The following C1orf52 variants were observed in gnomAD, a reference collection of about 807,000 sequenced individuals.
The protein encoded by C1orf52 is chromosome 1 open reading frame 52, also known as UPF0690 protein C1orf52.
A neutral mutation model predicts 17.2 loss-of-function variants in C1orf52; 5 were observed. The observed-to-expected ratio is 0.29, with a 90% CI of 0.15 to 0.61. C1orf52 has a LOEUF of 0.61. Ranked by LOEUF, C1orf52 falls within the 20% of genes least tolerant of loss-of-function variation. The pLI is 0.85. For missense variants in C1orf52, 245 were observed against 234.1 expected, an observed-to-expected ratio of 1.05 and a Z score of -0.30; for synonymous variants, 110 against 88.0, an observed-to-expected ratio of 1.25 and a Z score of -1.40.
In C1orf52 at chr1:85,252,526, C is replaced by T. The variant is rs757506049; in HGVS notation, c.*103G>A. 2.1e-4 allele frequency: 186 copies of T among 866,526 alleles called. No homozygotes were observed. The highest frequency in any genetic ancestry group is 3.3e-4 in the Non-Finnish European group (174 of 530,250). 53.7% of individuals were successfully genotyped at this position (866,526 alleles called of 1,614,324 possible). ...ATACTTATTAGTTCATTAACGTATG[C>T]ATTTTCATGGAGATGTGGCATAATA... On this transcript the variant is annotated 3_prime_UTR_variant, in exon 3 of 3. Coordinates refer to ENST00000471115, the MANE Select transcript of C1orf52 (RefSeq NM_198077.4).
chr1:85,252,827 T>C, intron 2 of C1orf52, 125 bp from the exon 3 acceptor site: 1 of 652,250 alleles, frequency 1.5e-6, no homozygotes, highest in Non-Finnish European at 2.6e-6. Context: ...TCTCAGAGTT[T>C]CCCAATAAAA....
At chr1:85,256,001 C>G (rs1403318350) in intron 2 of C1orf52, among the ~76,000 whole-genome samples, 1 of 152,122 alleles carries the variant, frequency 6.6e-6, no homozygotes, top group East Asian at 1.9e-4. Flanking sequence ...GCTTGCTTGC[C>G]CTGGTGTATA....
chr1:85,255,651 C>T (rs971253371), intron 2 of C1orf52, among the ~76,000 whole-genome samples: 4 of 151,766 alleles, frequency 2.6e-5, no homozygotes, highest in Non-Finnish European at 4.4e-5. Context: ...AGACGTTAAC[C>T]GGCAATAAAA....
chr1:85,259,325 G>C, intron 1 of C1orf52, 33 bp downstream of exon 1: 1 of 1,599,476 alleles, frequency 6.3e-7, no homozygotes, highest in Non-Finnish European at 8.6e-7. Context: ...GCAGGCCGGG[G>C]CCGAGACCGA....
At position 85,252,448 on chromosome 1, in the gene C1orf52, A is replaced by G. The variant is rs1439508960; in HGVS notation, c.*181T>C. On this transcript the variant is annotated 3_prime_UTR_variant, in exon 3 of 3. Coordinates refer to ENST00000471115, the MANE Select transcript of C1orf52 (RefSeq NM_198077.4). ...ACAAGTCACCAGTTGAGTTTTAAAT[A>G]CATACATGTTTTAAATAAAAAAAGA... 2 of 546,434 alleles carry G rather than the reference A, an allele frequency of 3.7e-6. No homozygotes were observed. The highest frequency in any genetic ancestry group is 6.4e-6 in the Non-Finnish European group (2 of 312,490). The allele number at this position is 546,434 out of a possible 1,614,324, so 33.8% of individuals were successfully genotyped here.
At chr1:85,252,886 G>C (rs896935302) in intron 2 of C1orf52, among the ~76,000 whole-genome samples, 184 bp from the exon 3 acceptor site, 1 of 152,032 alleles carries the variant, frequency 6.6e-6, no homozygotes, top group African/African-American at 2.4e-5. Flanking sequence ...AAGTGAAAGT[G>C]AGCAATTTTT....
At position 85,259,622 on chromosome 1, in the gene C1orf52, C is replaced by T. The variant is rs531556361; in HGVS notation, c.12G>A (p.Glu4=). The T allele has an allele frequency of 7.7e-6, 12 of 1,559,488 alleles. No individual in the cohort carries two copies. In the South Asian group the frequency reaches 1.4e-4, roughly 18 times the overall value. The change falls in exon 1 of 3, where the codon GAG becomes GAA. Residue 4 remains glutamate (E), a synonymous_variant. Coordinates refer to ENST00000471115, the MANE Select transcript of C1orf52 (RefSeq NM_198077.4). ...CAAAATAGCTCAGAGGGTCCTTCTCCTCCGCTGCCATGACGGCTGCGAGCG... is the reference window on the plus strand; with the variant it reads ...CAAAATAGCTCAGAGGGTCCTTCTCTTCCGCTGCCATGACGGCTGCGAGCG... MAA[E]EKDPLSYFAA...
chr1:85,259,183 A>T (rs1403946171), intron 1 of C1orf52, 175 bp downstream of exon 1: 18 of 1,104,340 alleles, frequency 1.6e-5, no homozygotes, highest in Non-Finnish European at 2.2e-5. Flanking sequence ...TCTAACACCC[A>T]CCAGGCGGGG....
chr1:85,258,982 C>CA, intron 1 of C1orf52: 1 of 1,368,262 alleles, frequency 7.3e-7, no homozygotes, highest in Non-Finnish European at 9.4e-7. Flanking sequence ...CTGACCCCTT[C>CA]AGGAGGCTGC....
At position 85,250,600 on chromosome 1, in the gene C1orf52, T is replaced by C. The variant is rs1659777867; in HGVS notation, c.*2029A>G. 1 of 152,224 alleles carries C rather than the reference T, an allele frequency of 6.6e-6. No homozygotes were observed. The highest frequency in any genetic ancestry group is 2.4e-5 in the African/African-American group (1 of 41,464). 9.4% of individuals were successfully genotyped at this position (152,224 alleles called of 1,614,324 possible). ...GCTCCAAAATATTTAGCCTCTTCCC[T>C]AAGTCCTGTCTTCCTCCTCATACAA... is the stretch of plus-strand genomic sequence containing the variant. On this transcript the variant is annotated 3_prime_UTR_variant, in exon 3 of 3. Transcript: ENST00000471115.
chr1:85,253,212 C>T lies in C1orf52; in HGVS notation c.476-510G>A, dbSNP rs141811828. Among the ~76,000 whole-genome samples the T allele has an allele frequency of 3.0e-3, 458 of 152,304 alleles. 2 individuals carry two copies. The highest frequency in any genetic ancestry group is 0.011 in the African/African-American group (440 of 41,562). ...ACTGTATTCTCTCCCTTGGACACCACTGCATGATAGTATTTACATTGTATA... is the reference window on the plus strand; with the variant it reads ...ACTGTATTCTCTCCCTTGGACACCATTGCATGATAGTATTTACATTGTATA... On this transcript the variant is annotated intron_variant, in intron 2 of 2. Transcript: ENST00000471115.
intron 1 of C1orf52, chr1:85,259,095 T>C: frequency 7.4e-7 from 1 of 1,348,944 alleles, no homozygotes; most frequent in Non-Finnish European, 9.6e-7. Context: ...TCACCACTGT[T>C]AGTCCTCGCC....
Position 85,257,469 on chromosome 1 carries a change from G to A in C1orf52, c.475+1055C>T, listed in dbSNP as rs1193499830. Reference sequence around the variant, plus strand: ...CAGTTCTGGATTTCAAGATCTTCAAGTGCTAGAAAGGGGCCATTAAAAATG... The same window carrying A: ...CAGTTCTGGATTTCAAGATCTTCAAATGCTAGAAAGGGGCCATTAAAAATG... On this transcript the variant is annotated intron_variant, in intron 2 of 2. Coordinates refer to ENST00000471115, the MANE Select transcript of C1orf52 (RefSeq NM_198077.4). The A allele has an allele frequency of 9.8e-6, 7 of 717,230 alleles. No homozygotes were observed. The Admixed American group carries it at 1.2e-4, about 12-fold the overall frequency. The allele number at this position is 717,230 out of a possible 1,614,324, so 44.4% of individuals were successfully genotyped here.
chr1:85,258,511 T>C lies in C1orf52; in HGVS notation c.475+13A>G, dbSNP rs927344748. 6.2e-7 allele frequency: 1 copy of C among 1,606,546 alleles called. No homozygotes were observed. Among genetic ancestry groups the C allele is most frequent in the South Asian group, 1.1e-5 (1 of 90,104 alleles). On this transcript the variant is annotated intron_variant, in intron 2 of 2. Transcript: ENST00000471115. ...ATCAAAATAGACCACCATCGGATTC[T>C]GACTTTCCTTACCTGATTCCAACGT...
intron 2 of C1orf52, among the ~76,000 whole-genome samples, chr1:85,257,674 T>G (rs1220943037): frequency 2.0e-5 from 3 of 152,228 alleles, no homozygotes. Context: ...ACAGTCCAAG[T>G]AAGAGACGAA....
chr1:85,251,445 TTTA>T lies in C1orf52; in HGVS notation c.*1181_*1183del, dbSNP rs1659798744. 1 of 152,200 alleles carries T rather than the reference TTTA, an allele frequency of 6.6e-6. No homozygotes were observed. Among genetic ancestry groups the T allele is most frequent in the Non-Finnish European group, 1.5e-5 (1 of 68,042 alleles). The allele number at this position is 152,200 out of a possible 1,614,324, so 9.4% of individuals were successfully genotyped here. On this transcript the variant is annotated 3_prime_UTR_variant, in exon 3 of 3. Coordinates refer to ENST00000471115, the MANE Select transcript of C1orf52 (RefSeq NM_198077.4). The stretch of plus-strand genomic sequence containing the variant: ...AAAGATTGATGCAGAGTGTAACCTT[TTTA>T]TTGTTCAAAATGCTACAAATAACTG...
rs1164074452 is a variant in C1orf52 at position 85,251,519 on chromosome 1, A to G, written c.*1110T>C. ...ACACCTTCCCAACTACTTCTTGTTC[A>G]TTTTATTATTACTATACGCAAAGCA... On this transcript the variant is annotated 3_prime_UTR_variant, in exon 3 of 3. Transcript: ENST00000471115. 1 of 152,232 alleles carries G rather than the reference A, an allele frequency of 6.6e-6. No individual in the cohort carries two copies. Among genetic ancestry groups the G allele is most frequent in the Admixed American group, 6.5e-5 (1 of 15,288 alleles). The allele number at this position is 152,232 out of a possible 1,614,324, so 9.4% of individuals were successfully genotyped here.
intron 2 of C1orf52, among the ~76,000 whole-genome samples, chr1:85,254,862 A>T (rs565645873): frequency 6.6e-6 from 1 of 152,364 alleles, no homozygotes; most frequent in Admixed American, 6.5e-5. Context: ...ATTACAAGTA[A>T]ATTAACTGAA....
intron 1 of C1orf52, chr1:85,259,115 C>T: frequency 7.6e-7 from 1 of 1,319,722 alleles, no homozygotes; most frequent in South Asian, 1.7e-5. Context: ...CGCGCGGGGT[C>T]GGGGCACCGA....
Sources: allele counts gnomAD v4.1 joint callset (sites outside exome capture counted in the v4.1 genomes callset), GRCh38; gene constraint gnomAD v4.1.1; transcripts MANE v1.5; gene names NCBI Gene and HGNC (gene_info 2026-07-23, HGNC 2026-07-21).